The following STOM variants were observed in gnomAD, a reference collection of about 807,000 sequenced individuals.
STOM encodes the protein erythrocyte band 7 integral membrane protein.
Under a neutral mutation model 30.6 loss-of-function variants are expected in STOM, and 25 were observed. The observed-to-expected ratio is 0.82, with a 90% confidence interval of 0.60 to 1.14. The LOEUF is 1.14. Among genes scored for constraint, STOM ranks in the 50% most tolerant of loss-of-function variants. The pLI is 0.00. For synonymous variants in STOM, 118 were observed against 130.8 expected (o/e 0.90, Z 0.67); for missense variants, 292 against 365.2 (o/e 0.80, Z 1.63).
chr9:121,369,944 G>A, intron 1 of STOM, 183 bp downstream of exon 1: 1 of 556,074 alleles, frequency 1.8e-6, no homozygotes, highest in Non-Finnish European at 3.2e-6. Context: ...CCCCTCCATC[G>A]TGACCTCAGT....
In STOM at chr9:121,340,912, G is replaced by C; in HGVS notation, c.*290C>G. On this transcript the variant is annotated 3_prime_UTR_variant, in exon 7 of 7. Coordinates refer to ENST00000286713, the MANE Select transcript of STOM (RefSeq NM_004099.6). ...TGCCTCTGGCCTGGGTGCTTAGGGGGTTCAGAATGAGTCAGTGGAAGTCAA... is the reference window on the plus strand; with the variant it reads ...TGCCTCTGGCCTGGGTGCTTAGGGGCTTCAGAATGAGTCAGTGGAAGTCAA... The C allele has an allele frequency of 8.1e-7, 1 of 1,229,132 alleles. No homozygotes were observed. The allele number at this position is 1,229,132 out of a possible 1,614,324, so 76.1% of individuals were successfully genotyped here. A position where few individuals can be genotyped will look rare whatever the true frequency, so the allele number is the denominator to read the frequency against.
chr9:121,357,437 A>ATATATATATT (rs1318433915), intron 1 of STOM, among the ~76,000 whole-genome samples: 2 of 91,028 alleles, frequency 2.2e-5, no homozygotes, highest in Admixed American at 1.1e-4. Flanking sequence ...ATATATATAT[A>ATATATATATT]TATTTATTTA....
intron 1 of STOM, among the ~76,000 whole-genome samples, chr9:121,366,998 G>C (rs920873645): frequency 2.0e-5 from 3 of 151,812 alleles, no homozygotes; most frequent in Non-Finnish European, 2.9e-5. Flanking sequence ...GAGGTGGGAG[G>C]ATCACTTGAG....
intron 3 of STOM, among the ~76,000 whole-genome samples, chr9:121,353,919 G>C (rs1375959686): frequency 6.6e-6 from 1 of 152,186 alleles, no homozygotes; most frequent in Non-Finnish European, 1.5e-5. Context: ...GTTCAGATCA[G>C]TAACACTTCT....
In STOM at chr9:121,339,591, G is replaced by A; in HGVS notation, c.*1611C>T. ...ATAAAGGCTCGTGCTGGGAAAGAAA[G>A]CTGTTATGCTTAGACTTCTCTAGGT... On this transcript the variant is annotated 3_prime_UTR_variant, in exon 7 of 7. Coordinates refer to ENST00000286713, the MANE Select transcript of STOM (RefSeq NM_004099.6). The A allele has an allele frequency of 8.1e-7, 1 of 1,231,572 alleles. No individual in the cohort carries two copies. The highest frequency in any genetic ancestry group is 1.0e-6 in the Non-Finnish European group (1 of 987,904). 76.3% of individuals were successfully genotyped at this position (1,231,572 alleles called of 1,614,324 possible). A position where few individuals can be genotyped will look rare whatever the true frequency, so the allele number is the denominator to read the frequency against.
At chr9:121,367,248 T>C (rs1589300810) in intron 1 of STOM, among the ~76,000 whole-genome samples, 1 of 152,212 alleles carries the variant, frequency 6.6e-6, no homozygotes, top group Non-Finnish European at 1.5e-5. Context: ...TGCTTTTCCA[T>C]GCCTTCTTAA....
rs541992929 is a variant in STOM, at chr9:121,339,338, G to C, written c.*1864C>G. The C allele has an allele frequency of 7.8e-5, 21 of 268,356 alleles. No individual in the cohort carries two copies. In the South Asian group the frequency reaches 3.1e-3, roughly 40 times the overall value. The allele number at this position is 268,356 out of a possible 1,614,324, so 16.6% of individuals were successfully genotyped here. On this transcript the variant is annotated 3_prime_UTR_variant, in exon 7 of 7. Coordinates refer to ENST00000286713, the MANE Select transcript of STOM (RefSeq NM_004099.6). ...TTTCAGTCAGGATATGGAGGCTCCT[G>C]GTCCTCAAGGGTGAACCACTTCACA...
Position 121,340,812 on chromosome 9 carries a change from T to C in STOM, c.*390A>G, listed in dbSNP as rs1352700698. ...ACATATGACCTGGAGAAGCTGGTTG[T>C]GGTGTAAGGTCATCACTTTCTGCAA... On this transcript the variant is annotated 3_prime_UTR_variant, in exon 7 of 7. Transcript: ENST00000286713. 1 of 1,021,972 alleles carries C rather than the reference T, an allele frequency of 9.8e-7. No individual in the cohort carries two copies. Among genetic ancestry groups the C allele is most frequent in the Non-Finnish European group, 1.2e-6 (1 of 850,994 alleles). 63.3% of individuals were successfully genotyped at this position (1,021,972 alleles called of 1,614,324 possible).
chr9:121,348,113 T>G lies in STOM; in HGVS notation c.562A>C (p.Lys188Gln), dbSNP rs528790770. 1.7e-4 allele frequency: 270 copies of G among 1,614,194 alleles called. 1 individual carries two copies. In the South Asian group the frequency reaches 2.7e-3, roughly 16 times the overall value. The change falls in exon 6 of 7, where the codon AAG (lysine) becomes CAG (glutamine). Residue 188 changes from lysine (K) to glutamine (Q), a missense_variant. Lys to Gln is a moderately conservative substitution (Grantham distance 53, BLOSUM62 1). Transcript: ENST00000286713. ...LDDATDAWGIKVERVEIKDVK... is the reference protein window; with the variant it reads ...LDDATDAWGIQVERVEIKDVK... ...TCCTTAATTTCCACACGCTCCACCTTTATTCCCCAGGCATCAGTGGCATCA... is the reference window on the plus strand; with the variant it reads ...TCCTTAATTTCCACACGCTCCACCTGTATTCCCCAGGCATCAGTGGCATCA...
Position 121,339,827 on chromosome 9 carries a change from A to G in STOM, c.*1375T>C. 1 of 1,198,880 alleles carries G rather than the reference A, an allele frequency of 8.3e-7. No individual in the cohort carries two copies. The highest frequency in any genetic ancestry group is 1.0e-6 in the Non-Finnish European group (1 of 967,918). The allele number at this position is 1,198,880 out of a possible 1,614,324, so 74.3% of individuals were successfully genotyped here. On this transcript the variant is annotated 3_prime_UTR_variant, in exon 7 of 7. Coordinates refer to ENST00000286713, the MANE Select transcript of STOM (RefSeq NM_004099.6). ...GATAGAAGAATGACTAGGTAAATTT[A>G]AAAAGACCTACATCTATATAGATAT...
chr9:121,368,258 A>C (rs2134049835), intron 1 of STOM, among the ~76,000 whole-genome samples: 1 of 152,286 alleles, frequency 6.6e-6, no homozygotes, highest in African/African-American at 2.4e-5. Context: ...TAAGTGTAGA[A>C]CCAAGGAAAA....
At chr9:121,351,271 T>C (rs889101571) in intron 4 of STOM, among the ~76,000 whole-genome samples, 1 of 152,206 alleles carries the variant, frequency 6.6e-6, no homozygotes, top group Admixed American at 6.5e-5. Flanking sequence ...CAATCTTCCT[T>C]AGACGATGGG....
At chr9:121,350,553 G>A (rs2064330334) in intron 4 of STOM, among the ~76,000 whole-genome samples, 1 of 152,194 alleles carries the variant, frequency 6.6e-6, no homozygotes. Context: ...TGACCGATGA[G>A]GAACACAGCA....
intron 6 of STOM, among the ~76,000 whole-genome samples, chr9:121,342,757 T>C (rs909329786): frequency 6.6e-6 from 1 of 152,222 alleles, no homozygotes; most frequent in East Asian, 1.9e-4. Flanking sequence ...GGCAAGTACA[T>C]AAATTCAAGA....
At chr9:121,360,347 A>T (rs1273687235) in intron 1 of STOM, among the ~76,000 whole-genome samples, 1 of 151,752 alleles carries the variant, frequency 6.6e-6, no homozygotes, top group Non-Finnish European at 1.5e-5. Flanking sequence ...ATTATTTTTT[A>T]ATCTAATATT....
At chr9:121,368,932 CAAA>C (rs34631713) in intron 1 of STOM, among the ~76,000 whole-genome samples, 6 of 96,876 alleles carry the variant, frequency 6.2e-5, no homozygotes, top group Non-Finnish European at 6.6e-5. Context: ...AACTCCGTCT[CAAA>C]AAAAAAAAAA....
intron 1 of STOM, among the ~76,000 whole-genome samples, chr9:121,362,715 C>A (rs2064465528): frequency 6.6e-6 from 1 of 152,092 alleles, no homozygotes; most frequent in Non-Finnish European, 1.5e-5. Flanking sequence ...ATAATGTTTA[C>A]AAAAATCTGT....
At position 121,341,396 on chromosome 9, in the gene STOM, C is replaced by T. The variant is rs201671242; in HGVS notation, c.673G>A (p.Glu225Lys). 13 of 1,613,080 alleles carry T rather than the reference C, an allele frequency of 8.1e-6. No homozygotes were observed. In the East Asian group the frequency reaches 1.3e-4, roughly 17 times the overall value. The change falls in exon 7 of 7, where the codon GAA becomes AAA. Residue 225 changes from glutamate to lysine, a missense_variant. Coordinates refer to ENST00000286713, the MANE Select transcript of STOM (RefSeq NM_004099.6). ...REARAKVIAA[E>K]GEMNASRALK... ...GCCCTGGATGCATTCATTTCTCCTTCGGCTGCAATAACCTATGGACAGGTG... is the reference window on the plus strand; with the variant it reads ...GCCCTGGATGCATTCATTTCTCCTTTGGCTGCAATAACCTATGGACAGGTG...
intron 1 of STOM, among the ~76,000 whole-genome samples, chr9:121,360,987 T>C (rs2064445739): frequency 6.6e-6 from 1 of 152,212 alleles, no homozygotes; most frequent in Non-Finnish European, 1.5e-5. Context: ...AAAATGAAAG[T>C]ATCCTACCTT....
Sources: allele counts gnomAD v4.1 joint callset (sites outside exome capture counted in the v4.1 genomes callset), GRCh38; gene constraint gnomAD v4.1.1; transcripts MANE v1.5; gene names NCBI Gene and HGNC (gene_info 2026-07-23, HGNC 2026-07-21).